Variants in ALPL observed in about 807,000 individuals in gnomAD.
ALPL encodes the protein alkaline phosphatase, biomineralization associated, also known as alkaline phosphatase, tissue-nonspecific isozyme.
Under a neutral mutation model 51.3 loss-of-function variants are expected in ALPL, and 42 were observed. That is an observed-to-expected ratio of 0.82 (90% confidence interval 0.64 to 1.06). The LOEUF is 1.06. Ranked by LOEUF, ALPL falls within the 50% of genes least tolerant of loss-of-function variation. ALPL has a pLI of 0.00. For missense variants in ALPL, 589 were observed against 709.4 expected (o/e 0.83, Z 1.93); for synonymous variants, 279 against 296.4 (o/e 0.94, Z 0.60).
intron 1 of ALPL, among the ~76,000 whole-genome samples, chr1:21,522,478 C>T (rs1643893618): frequency 6.6e-6 from 1 of 152,150 alleles, no homozygotes; most frequent in Admixed American, 6.6e-5. Flanking sequence ...ATGTTCATGT[C>T]TCCTAGGTCA....
chr1:21,537,041 C>T (rs1334544370), intron 1 of ALPL, among the ~76,000 whole-genome samples: 2 of 151,978 alleles, frequency 1.3e-5, no homozygotes, highest in South Asian at 2.1e-4. Context: ...GGATTATTGG[C>T]GCCCGCCACC....
intron 1 of ALPL, among the ~76,000 whole-genome samples, chr1:21,520,441 G>A (rs539824187): frequency 1.0e-4 from 15 of 144,072 alleles, no homozygotes; most frequent in African/African-American, 3.8e-4. Flanking sequence ...ATATTTTTCA[G>A]TTTTTAAAGC....
At chr1:21,560,768 A>G in intron 3 of ALPL, 23 bp downstream of exon 3, 1 of 1,613,810 alleles carries the variant, frequency 6.2e-7, no homozygotes, top group Non-Finnish European at 8.5e-7. Context: ...GGCCTGTGGG[A>G]GGGGTGGAAC....
chr1:21,525,334 C>T (rs1473444633), intron 1 of ALPL, among the ~76,000 whole-genome samples: 8 of 152,238 alleles, frequency 5.3e-5, no homozygotes, highest in Admixed American at 5.2e-4. Flanking sequence ...GGGTAAAATA[C>T]AGGAAAAATG....
At chr1:21,517,238 G>A (rs1021240515) in intron 1 of ALPL, among the ~76,000 whole-genome samples, 1 of 152,202 alleles carries the variant, frequency 6.6e-6, no homozygotes, top group Non-Finnish European at 1.5e-5. Flanking sequence ...GGCTTACTCT[G>A]TGTCAGAAAC....
chr1:21,562,721 AC>A (rs1435930520), intron 4 of ALPL, among the ~76,000 whole-genome samples: 1 of 142,068 alleles, frequency 7.0e-6, no homozygotes, highest in South Asian at 2.2e-4. Context: ...CTATCCCCAG[AC>A]CCCCCACTCC....
chr1:21,546,811 G>A (rs373364756), intron 1 of ALPL, among the ~76,000 whole-genome samples: 2 of 152,204 alleles, frequency 1.3e-5, no homozygotes, highest in African/African-American at 4.8e-5. Context: ...GCCCAGATGG[G>A]GCCTGGTACA....
chr1:21,553,745 G>A (rs1172185220), intron 1 of ALPL, among the ~76,000 whole-genome samples: 7 of 152,198 alleles, frequency 4.6e-5, no homozygotes, highest in Non-Finnish European at 7.3e-5. Context: ...GAAATGGGAC[G>A]GAACTGCTTT....
intron 1 of ALPL, among the ~76,000 whole-genome samples, chr1:21,540,347 C>T (rs1042817442): frequency 6.6e-5 from 10 of 152,202 alleles, no homozygotes; most frequent in African/African-American, 2.4e-4. Flanking sequence ...AGTCCTCTGG[C>T]TTCAGTCCTC....
chr1:21,570,505 C>T (rs1644632335), intron 8 of ALPL, 131 bp downstream of exon 8: 2 of 916,652 alleles, frequency 2.2e-6, no homozygotes, highest in South Asian at 2.9e-5. Context: ...GGCTTCAGGA[C>T]CTGGGAGAGG....
rs889864715 is a variant in ALPL, at chr1:21,563,415, G to C, written c.472+131G>C. The C allele has an allele frequency of 3.4e-6, 4 of 1,185,466 alleles. No individual in the cohort carries two copies. In the Admixed American group the frequency reaches 1.1e-4, roughly 34 times the overall value. The allele number at this position is 1,185,466 out of a possible 1,614,324, so 73.4% of individuals were successfully genotyped here. ...GGCTCCCAGCTCTGATATGCTGGGA[G>C]TCTGTAATATCCATGGGATTCCTTC... On this transcript the variant is annotated intron_variant, in intron 5 of 11. Coordinates refer to ENST00000374840, the MANE Select transcript of ALPL (RefSeq NM_000478.6).
intron 1 of ALPL, among the ~76,000 whole-genome samples, chr1:21,546,856 C>A (rs1570238260): frequency 6.6e-6 from 1 of 152,248 alleles, no homozygotes; most frequent in East Asian, 1.9e-4. Context: ...TCGTCTTCTT[C>A]TGAGCATGGG....
Position 21,568,280 on chromosome 1 carries a change from G to A in ALPL, c.792+33G>A, listed in dbSNP as rs778116954. The stretch of plus-strand genomic sequence containing the variant: ...GTGCTGGGGCCATGTGGCTGCAGAG[G>A]TGGCCTGTGATGGGGAGAGGCTGTG... On this transcript the variant is annotated intron_variant, in intron 7 of 11. Coordinates refer to ENST00000374840, the MANE Select transcript of ALPL (RefSeq NM_000478.6). 1.9e-6 allele frequency: 3 copies of A among 1,613,638 alleles called. No individual in the cohort carries two copies. In the East Asian group the frequency reaches 6.7e-5, roughly 36 times the overall value.
Position 21,578,011 on chromosome 1 carries a change from ACCCT to A in ALPL, c.*367_*370del, listed in dbSNP as rs1214774242. The A allele has an allele frequency of 8.8e-6, 3 of 341,106 alleles. No individual in the cohort carries two copies. The highest frequency in any genetic ancestry group is 8.9e-5 in the Admixed American group (2 of 22,530). The allele number at this position is 341,106 out of a possible 1,614,324, so 21.1% of individuals were successfully genotyped here. A position where few individuals can be genotyped will look rare whatever the true frequency, so the allele number is the denominator to read the frequency against. ...GCCTCCGTGGAACATTCTGGATCTG[ACCCT>A]CCCAGTCTCATCTCCTGACCCTCCC... On this transcript the variant is annotated 3_prime_UTR_variant, in exon 12 of 12. Coordinates refer to ENST00000374840, the MANE Select transcript of ALPL (RefSeq NM_000478.6). The surrounding 1 kb of genome is among the most constrained non-coding windows in gnomAD (Gnocchi z 4.2).
At chr1:21,561,621 TCTTGG>T (rs1644486295) in intron 4 of ALPL, among the ~76,000 whole-genome samples, 1 of 151,164 alleles carries the variant, frequency 6.6e-6, no homozygotes, top group Non-Finnish European at 1.5e-5. Flanking sequence ...GGCCTCCCAG[TCTTGG>T]GATTACAGGC....
At position 21,577,345 on chromosome 1, in the gene ALPL, C is replaced by G. The variant is rs771416636; in HGVS notation, c.1310-38C>G. On this transcript the variant is annotated intron_variant, in intron 11 of 11. Transcript: ENST00000374840. ...AAGCTGCGTGCGCAGCGCCAGGCCCCTGGCAGGCTCTCAGCAGGTGTTTCC... is the reference window on the plus strand; with the variant it reads ...AAGCTGCGTGCGCAGCGCCAGGCCCGTGGCAGGCTCTCAGCAGGTGTTTCC... 3 of 1,612,870 alleles carry G rather than the reference C, an allele frequency of 1.9e-6. No individual in the cohort carries two copies. The East Asian group carries it at 6.7e-5, about 36-fold the overall frequency.
chr1:21,568,971 T>A (rs1486330626), intron 7 of ALPL, among the ~76,000 whole-genome samples: 1 of 152,060 alleles, frequency 6.6e-6, no homozygotes, highest in Non-Finnish European at 1.5e-5. Context: ...ATGACTGTGG[T>A]CAGGGCTGAA....
intron 1 of ALPL, among the ~76,000 whole-genome samples, chr1:21,548,056 C>T (rs996925948): frequency 6.6e-6 from 1 of 152,360 alleles, no homozygotes; most frequent in African/African-American, 2.4e-5. Flanking sequence ...GGCTTCTGCA[C>T]TGGCCATGCG....
At chr1:21,574,096 C>G in intron 9 of ALPL, 1 of 985,104 alleles carries the variant, frequency 1.0e-6, no homozygotes, top group Non-Finnish European at 1.2e-6. Flanking sequence ...CCTGAAGGGG[C>G]AAGCAGCCCC....
Sources: allele counts gnomAD v4.1 joint callset (sites outside exome capture counted in the v4.1 genomes callset), GRCh38; gene constraint gnomAD v4.1.1; non-coding constraint Gnocchi (gnomAD v3.1); transcripts MANE v1.5; gene names NCBI Gene and HGNC (gene_info 2026-07-23, HGNC 2026-07-21).